DCDC1: variants seen among roughly 807,000 people sequenced by gnomAD.
The protein encoded by DCDC1 is doublecortin domain containing 1.
In DCDC1, 200 loss-of-function variants were observed where a neutral mutation model predicts 178.3. That is an observed-to-expected ratio of 1.12 (90% CI 1.00 to 1.26). DCDC1 has a LOEUF of 1.26. Ranked by LOEUF, DCDC1 falls within the 50% of genes most tolerant of loss-of-function variation. The pLI is 0.00. For synonymous variants in DCDC1, 690 were observed against 604.8 expected (o/e 1.14, Z -2.07); for missense variants, 1,983 against 1,749.2 (o/e 1.13, Z -2.38).
intron 8 of DCDC1, among the ~76,000 whole-genome samples, chr11:31,258,056 C>G (rs1383022839): frequency 6.6e-6 from 1 of 152,018 alleles, no homozygotes; most frequent in Non-Finnish European, 1.5e-5. Context: ...CACATAAAAT[C>G]TGGACAAATT....
At chr11:31,113,808 G>A (rs1414473411) in intron 11 of DCDC1, among the ~76,000 whole-genome samples, 2 of 152,098 alleles carry the variant, frequency 1.3e-5, no homozygotes, top group African/African-American at 2.4e-5. Flanking sequence ...TTCTTGATTA[G>A]AAGTTTCTTT....
At chr11:31,015,434 T>G (rs947517709) in intron 20 of DCDC1, among the ~76,000 whole-genome samples, 4 of 152,232 alleles carry the variant, frequency 2.6e-5, no homozygotes, top group African/African-American at 9.6e-5. Flanking sequence ...CATCAGTGTT[T>G]CCCTTTCTCC....
chr11:30,955,567 A>G (rs76537024), intron 20 of DCDC1, among the ~76,000 whole-genome samples: 6,811 of 152,120 alleles, frequency 0.045, 487 homozygotes, highest in African/African-American at 0.15. Context: ...TAACTACACC[A>G]CTTTCAAAAT....
At chr11:30,962,870 C>G (rs1949189436) in intron 20 of DCDC1, among the ~76,000 whole-genome samples, 1 of 152,080 alleles carries the variant, frequency 6.6e-6, no homozygotes, top group Non-Finnish European at 1.5e-5. Flanking sequence ...GAGTTTCATA[C>G]TTGCTGTAAA....
intron 9 of DCDC1, among the ~76,000 whole-genome samples, chr11:31,179,054 G>A (rs1302390816): frequency 2.6e-5 from 4 of 152,116 alleles, no homozygotes; most frequent in Non-Finnish European, 4.4e-5. Flanking sequence ...ATATAAAAAC[G>A]GCTGACAGGT....
chr11:31,268,315 A>G (rs1945316146), intron 7 of DCDC1, among the ~76,000 whole-genome samples: 1 of 152,174 alleles, frequency 6.6e-6, no homozygotes, highest in African/African-American at 2.4e-5. Flanking sequence ...AATTTCAGTA[A>G]TTTAAAAAAA....
chr11:31,086,650 A>G (rs1957495786), intron 17 of DCDC1, among the ~76,000 whole-genome samples: 1 of 152,176 alleles, frequency 6.6e-6, no homozygotes, highest in Non-Finnish European at 1.5e-5. Flanking sequence ...AGTTTCTCCT[A>G]TGTTTTTATC....
chr11:30,999,329 G>A (rs977854431), intron 20 of DCDC1, among the ~76,000 whole-genome samples: 1 of 152,172 alleles, frequency 6.6e-6, no homozygotes, highest in African/African-American at 2.4e-5. Flanking sequence ...TGTTGGTTAT[G>A]TAAGATGTTA....
chr11:31,327,921 G>T (rs2137859102), intron 3 of DCDC1, among the ~76,000 whole-genome samples, 196 bp downstream of exon 3: 1 of 152,012 alleles, frequency 6.6e-6, no homozygotes, highest in East Asian at 1.9e-4. Context: ...GTAGAGACAG[G>T]GTTTCACCAT....
chr11:31,198,890 G>T (rs1182984862), intron 9 of DCDC1, among the ~76,000 whole-genome samples: 1 of 151,140 alleles, frequency 6.6e-6, no homozygotes, highest in Non-Finnish European at 1.5e-5. Flanking sequence ...TCTGAATAAA[G>T]AAATCATTTT....
At chr11:30,887,710 C>G (rs1449338476) in intron 36 of DCDC1, among the ~76,000 whole-genome samples, 1 of 152,024 alleles carries the variant, frequency 6.6e-6, no homozygotes, top group Non-Finnish European at 1.5e-5. Context: ...GCTTATTTCT[C>G]AAAGAAAAGT....
intron 2 of DCDC1, among the ~76,000 whole-genome samples, chr11:31,330,308 G>T (rs1282932837): frequency 6.6e-6 from 1 of 152,148 alleles, no homozygotes; most frequent in Non-Finnish European, 1.5e-5. Context: ...CCCTTTGTCA[G>T]ATAGGTAGAT....
chr11:31,057,137 G>A (rs1955635035), intron 20 of DCDC1, among the ~76,000 whole-genome samples: 2 of 152,098 alleles, frequency 1.3e-5, no homozygotes, highest in Admixed American at 6.6e-5. Context: ...AGGAGGCTGA[G>A]GCACAAGAAT....
chr11:31,250,987 T>C (rs567213714), intron 8 of DCDC1, among the ~76,000 whole-genome samples: 3 of 152,174 alleles, frequency 2.0e-5, no homozygotes, highest in African/African-American at 7.2e-5. Flanking sequence ...TCTCTTGACC[T>C]TGTGATCCAT....
At chr11:30,873,723 T>A (rs1490902918) in intron 38 of DCDC1, among the ~76,000 whole-genome samples, 1 of 152,072 alleles carries the variant, frequency 6.6e-6, no homozygotes, top group Non-Finnish European at 1.5e-5. Flanking sequence ...AAAATAGAAA[T>A]CCTCTCCTTG....
At chr11:31,128,313 C>G (rs867448321) in intron 10 of DCDC1, among the ~76,000 whole-genome samples, 12 of 152,092 alleles carry the variant, frequency 7.9e-5, no homozygotes, top group Middle Eastern at 3.4e-3. Context: ...AATCTGTAAC[C>G]TTGATTTTTA....
chr11:31,073,942 A>G (rs1229857803), intron 18 of DCDC1, among the ~76,000 whole-genome samples: 1 of 152,206 alleles, frequency 6.6e-6, no homozygotes, highest in Non-Finnish European at 1.5e-5. Flanking sequence ...GCAAGTTGTG[A>G]CGTAATTCTA....
intron 20 of DCDC1, among the ~76,000 whole-genome samples, chr11:30,965,214 G>T (rs184486527): frequency 3.0e-4 from 45 of 152,280 alleles, no homozygotes; most frequent in African/African-American, 1.1e-3. Context: ...TCAAGAATAG[G>T]CAGTGAATCA....
chr11:30,914,892 G>A (rs748854510), intron 27 of DCDC1, among the ~76,000 whole-genome samples: 3 of 151,856 alleles, frequency 2.0e-5, no homozygotes, highest in Non-Finnish European at 4.4e-5. Context: ...AAATTAATAG[G>A]ACTTCCTTAA....
Sources: allele counts gnomAD v4.1 joint callset (sites outside exome capture counted in the v4.1 genomes callset), GRCh38; gene constraint gnomAD v4.1.1; transcripts MANE v1.5; gene names NCBI Gene and HGNC (gene_info 2026-07-23, HGNC 2026-07-21).